Variants in RAPGEF6 observed in about 807,000 individuals in gnomAD.
RAPGEF6 encodes PDZ domain containing guanine nucleotide exchange factor (GEF) 2.
In RAPGEF6, 56 loss-of-function variants were observed where a neutral mutation model predicts 171.4. The observed-to-expected ratio is 0.33, with a 90% CI of 0.26 to 0.41. The LOEUF is 0.41. RAPGEF6 is among the 10% of genes least tolerant of loss of function. RAPGEF6 has a pLI of 1.00. For synonymous variants in RAPGEF6, 692 were observed against 650.1 expected (o/e 1.06, Z -0.98); for missense variants, 1,674 against 1,921.4 (o/e 0.87, Z 2.41).
chr5:131,588,464 C>T (rs565880503), intron 4 of RAPGEF6, among the ~76,000 whole-genome samples: 1 of 152,230 alleles, frequency 6.6e-6, no homozygotes, highest in South Asian at 2.1e-4. Context: ...CGGTGGCTCA[C>T]ACTGTAGGGT....
At chr5:131,479,426 A>T (rs1398867396) in intron 16 of RAPGEF6, 87 bp downstream of exon 16, 1 of 1,468,908 alleles carries the variant, frequency 6.8e-7, no homozygotes, top group African/African-American at 1.4e-5. Flanking sequence ...TAACAAAGCA[A>T]AACTTACCCA....
chr5:131,561,899 T>A, intron 5 of RAPGEF6, 79 bp downstream of exon 5: 1 of 1,056,586 alleles, frequency 9.5e-7, no homozygotes, highest in South Asian at 1.3e-5. Context: ...AAAACCTCCT[T>A]AAGTGTTTAA....
intron 4 of RAPGEF6, among the ~76,000 whole-genome samples, chr5:131,581,939 T>G (rs1762992375): frequency 6.6e-6 from 1 of 152,210 alleles, no homozygotes; most frequent in African/African-American, 2.4e-5. Context: ...CTCACCCTTG[T>G]GAATGTATTT....
At chr5:131,612,103 T>G (rs1764966613) in intron 1 of RAPGEF6, among the ~76,000 whole-genome samples, 1 of 151,918 alleles carries the variant, frequency 6.6e-6, no homozygotes, top group Non-Finnish European at 1.5e-5. Context: ...ACGGCAATCA[T>G]AGCTCACTGA....
At chr5:131,473,160 T>C (rs180981903) in intron 16 of RAPGEF6, among the ~76,000 whole-genome samples, 2 of 152,240 alleles carry the variant, frequency 1.3e-5, no homozygotes, top group Non-Finnish European at 1.5e-5. Context: ...ATCTTGGTGA[T>C]CCTCTAGGAA....
chr5:131,493,042 CATTTATTT>C (rs747528355), intron 13 of RAPGEF6, among the ~76,000 whole-genome samples: 157 of 151,820 alleles, frequency 1.0e-3, no homozygotes, highest in Non-Finnish European at 1.5e-3. Flanking sequence ...AATTACCTAT[CATTTATTT>C]ATTTATTTAT....
intron 21 of RAPGEF6, among the ~76,000 whole-genome samples, chr5:131,451,017 T>C (rs1028202053): frequency 9.2e-5 from 14 of 152,160 alleles, no homozygotes; most frequent in Non-Finnish European, 1.8e-4. Context: ...TGTAAGTAAA[T>C]AGAGGTCCAC....
At chr5:131,455,680 T>C (rs543066756) in intron 20 of RAPGEF6, 121 bp downstream of exon 20, 6 of 774,696 alleles carry the variant, frequency 7.7e-6, no homozygotes, top group South Asian at 5.6e-5. Flanking sequence ...ACTAGAAAAA[T>C]GGTAAAATAG....
chr5:131,550,686 A>C (rs1760867242), intron 5 of RAPGEF6, among the ~76,000 whole-genome samples: 1 of 152,188 alleles, frequency 6.6e-6, no homozygotes, highest in African/African-American at 2.4e-5. Flanking sequence ...TCTCTTCCAT[A>C]ATTACCAAAG....
chr5:131,518,978 A>G (rs1158940693), intron 7 of RAPGEF6, among the ~76,000 whole-genome samples: 1 of 152,178 alleles, frequency 6.6e-6, no homozygotes. Flanking sequence ...AGGCAAAACT[A>G]TAAGGTCAGA....
intron 19 of RAPGEF6, among the ~76,000 whole-genome samples, chr5:131,458,060 T>G (rs1276627048): frequency 6.6e-6 from 1 of 152,160 alleles, no homozygotes; most frequent in African/African-American, 2.4e-5. Context: ...ATTCATAATA[T>G]AAGGATCCCA....
At chr5:131,458,514 C>A (rs1753680417) in intron 19 of RAPGEF6, among the ~76,000 whole-genome samples, 1 of 152,170 alleles carries the variant, frequency 6.6e-6, no homozygotes, top group Non-Finnish European at 1.5e-5. Flanking sequence ...AATAAAACAA[C>A]TCCACAGAGG....
At chr5:131,563,406 A>G (rs984401367) in intron 4 of RAPGEF6, among the ~76,000 whole-genome samples, 12 of 152,210 alleles carry the variant, frequency 7.9e-5, no homozygotes, top group African/African-American at 2.9e-4. Context: ...AAAAATGTCA[A>G]TTTCCCAAAG....
chr5:131,543,094 T>C (rs1463543204), intron 6 of RAPGEF6, among the ~76,000 whole-genome samples: 1 of 152,164 alleles, frequency 6.6e-6, no homozygotes, highest in African/African-American at 2.4e-5. Context: ...GGTACTTATA[T>C]GCTAGATTAC....
rs541591359 is a variant in RAPGEF6, at chr5:131,572,617, T to C, written c.282-10570A>G. 4.1e-4 allele frequency among the ~76,000 whole-genome samples: 62 copies of C among 152,188 alleles called. 1 individual carries two copies. Among genetic ancestry groups the C allele is most frequent in the Non-Finnish European group, 8.4e-4 (57 of 67,994 alleles). ...TGCCTGCTTTGGCTGCTCACCCACA[T>C]TACAGCCCAAGACTCAGTCAGGGAC... On this transcript the variant is annotated intron_variant, in intron 4 of 27. Transcript: ENST00000509018.
rs758580829 is a variant in RAPGEF6 at position 131,461,678 on chromosome 5, CATTTGTACCT to C, written c.2864+17_2864+26del. 24 of 1,565,288 alleles carry C rather than the reference CATTTGTACCT, an allele frequency of 1.5e-5. No homozygotes were observed. In the African/African-American group the frequency reaches 3.1e-4, roughly 20 times the overall value. On this transcript the variant is annotated intron_variant, in intron 19 of 27. Coordinates refer to ENST00000509018, the MANE Select transcript of RAPGEF6 (RefSeq NM_016340.6). Reference sequence around the variant, plus strand: ...GCATGTAATGACAAAACCATACAGACATTTGTACCTATTTGTACCAACTTACCTTATTATT... The same window carrying C: ...GCATGTAATGACAAAACCATACAGACATTTGTACCAACTTACCTTATTATT...
chr5:131,538,343 C>T (rs984997313), intron 6 of RAPGEF6, among the ~76,000 whole-genome samples: 1 of 152,164 alleles, frequency 6.6e-6, no homozygotes, highest in African/African-American at 2.4e-5. Flanking sequence ...GCCTACTATA[C>T]ACCTAGGCTA....
At chr5:131,512,179 A>G (rs1757777545) in intron 7 of RAPGEF6, among the ~76,000 whole-genome samples, 1 of 152,174 alleles carries the variant, frequency 6.6e-6, no homozygotes. Flanking sequence ...ATGTGCTGCA[A>G]AGAGCATTTG....
At chr5:131,580,688 C>A (rs1457325162) in intron 4 of RAPGEF6, among the ~76,000 whole-genome samples, 1 of 152,220 alleles carries the variant, frequency 6.6e-6, no homozygotes, top group African/African-American at 2.4e-5. Context: ...GTTCCCATTA[C>A]AACCTCTAAT....
Sources: gnomAD v4.1 joint callset for allele counts (sites outside exome capture counted in the v4.1 genomes callset) on GRCh38, gnomAD v4.1.1 for gene constraint, MANE v1.5 for transcripts, NCBI Gene and HGNC (gene_info 2026-07-23, HGNC 2026-07-21) for gene names.